FBLN5: variants seen among roughly 807,000 people sequenced by gnomAD.
FBLN5 encodes the protein fibulin-5.
A neutral mutation model predicts 61.6 loss-of-function variants in FBLN5; 24 were observed. The observed-to-expected ratio is 0.39, with a 90% CI of 0.28 to 0.55. The LOEUF is 0.55. FBLN5 is among the 20% of genes least tolerant of loss of function. The pLI is 0.65. For missense variants in FBLN5, 470 were observed against 594.1 expected, an observed-to-expected ratio of 0.79 and a Z score of 2.17; for synonymous variants, 213 against 219.8, an observed-to-expected ratio of 0.97 and a Z score of 0.27.
At chr14:91,919,390 A>AAAGAAAGGAAGGAAGG (rs1284751505) in intron 4 of FBLN5, among the ~76,000 whole-genome samples, 23 of 99,508 alleles carry the variant, frequency 2.3e-4, no homozygotes, top group African/African-American at 7.9e-4. Context: ...AGAAAGAAAG[A>AAAGAAAGGAAGGAAGG]AAGGAAGGAA....
At chr14:91,907,388 C>G (rs573249725) in intron 4 of FBLN5, among the ~76,000 whole-genome samples, 2 of 152,300 alleles carry the variant, frequency 1.3e-5, no homozygotes, top group South Asian at 2.1e-4. Flanking sequence ...AAATAAAATT[C>G]TCTCCTATCT....
At chr14:91,880,527 G>A (rs796655257) in intron 9 of FBLN5, among the ~76,000 whole-genome samples, 2 of 3,912 alleles carry the variant, frequency 5.1e-4, no homozygotes, top group East Asian at 0.024. Context: ...GTGTGCGTGC[G>A]TGTGTGTGTG....
At chr14:91,932,041 TG>T (rs2140040163) in intron 4 of FBLN5, among the ~76,000 whole-genome samples, 1 of 152,338 alleles carries the variant, frequency 6.6e-6, no homozygotes. Context: ...TGTGAGCTGT[TG>T]GGTGAGGCTC....
chr14:91,940,089 C>A, intron 3 of FBLN5: 1 of 394,530 alleles, frequency 2.5e-6, no homozygotes, highest in South Asian at 1.9e-5. Flanking sequence ...TGACAGTCAG[C>A]AAGGAAACAG....
chr14:91,930,213 A>G (rs1401996129), intron 4 of FBLN5, among the ~76,000 whole-genome samples: 1 of 152,178 alleles, frequency 6.6e-6, no homozygotes, highest in Non-Finnish European at 1.5e-5. Flanking sequence ...ATGTTAGACA[A>G]TTTGCATGCA....
chr14:91,939,993 C>T (rs531135310), intron 3 of FBLN5: 77 of 453,590 alleles, frequency 1.7e-4, no homozygotes, highest in Non-Finnish European at 3.2e-4. Flanking sequence ...AAACGCTTGA[C>T]TCGCTGTGTT....
intron 6 of FBLN5, among the ~76,000 whole-genome samples, chr14:91,889,682 G>A (rs72705341): frequency 0.013 from 2,014 of 152,316 alleles, 18 homozygotes; most frequent in Non-Finnish European, 0.019. Flanking sequence ...TTCCACACAC[G>A]AAGAGTCAGG....
chr14:91,877,770 A>G, intron 9 of FBLN5, 88 bp from the exon 10 acceptor site: 3 of 1,020,462 alleles, frequency 2.9e-6, no homozygotes, highest in Non-Finnish European at 4.6e-6. Context: ...ACTGAAAATG[A>G]GGCCACCCCA....
At chr14:91,927,991 G>A (rs1388450942) in intron 4 of FBLN5, among the ~76,000 whole-genome samples, 1 of 152,244 alleles carries the variant, frequency 6.6e-6, no homozygotes, top group Non-Finnish European at 1.5e-5. Flanking sequence ...GGCACCAAGG[G>A]CTGGGCATGG....
chr14:91,881,787 ATTTTT>A (rs912165357), intron 8 of FBLN5, among the ~76,000 whole-genome samples: 9 of 151,196 alleles, frequency 6.0e-5, no homozygotes, highest in Non-Finnish European at 1.5e-5. Context: ...TATATATATA[ATTTTT>A]TTTAATTTAA....
At chr14:91,918,311 T>C (rs1432990487) in intron 4 of FBLN5, among the ~76,000 whole-genome samples, 2 of 152,212 alleles carry the variant, frequency 1.3e-5, no homozygotes, top group Non-Finnish European at 2.9e-5. Flanking sequence ...GCTCTGGATT[T>C]GTGGGAAGGA....
intron 4 of FBLN5, among the ~76,000 whole-genome samples, chr14:91,927,021 T>C (rs1377342084): frequency 6.6e-6 from 1 of 152,186 alleles, no homozygotes; most frequent in Non-Finnish European, 1.5e-5. Flanking sequence ...TGCATCACAC[T>C]CTCTACCACT....
At chr14:91,904,726 C>A (rs1224246444) in intron 4 of FBLN5, among the ~76,000 whole-genome samples, 2 of 152,196 alleles carry the variant, frequency 1.3e-5, no homozygotes, top group Non-Finnish European at 1.5e-5. Flanking sequence ...GGGCTCCACC[C>A]CTGTGACCTC....
chr14:91,897,438 A>G (rs1349175576), intron 4 of FBLN5, among the ~76,000 whole-genome samples: 1 of 152,252 alleles, frequency 6.6e-6, no homozygotes, highest in Middle Eastern at 3.2e-3. Flanking sequence ...GCTGGGAACA[A>G]CACTGCCTTA....
intron 4 of FBLN5, among the ~76,000 whole-genome samples, chr14:91,912,313 A>G (rs1047603761): frequency 8.5e-5 from 13 of 152,200 alleles, no homozygotes; most frequent in African/African-American, 3.1e-4. Flanking sequence ...CCTGAGCAAC[A>G]TAGCGAGACC....
chr14:91,904,558 T>C (rs901002105), intron 4 of FBLN5, among the ~76,000 whole-genome samples: 6 of 152,260 alleles, frequency 3.9e-5, no homozygotes, highest in Non-Finnish European at 7.3e-5. Context: ...CTATAGACTA[T>C]GTGGCTTAAA....
chr14:91,877,393 C>T, intron 10 of FBLN5, 94 bp downstream of exon 10: 2 of 1,036,130 alleles, frequency 1.9e-6, no homozygotes, highest in Non-Finnish European at 3.0e-6. Flanking sequence ...GTCCCCCAGC[C>T]CCACTCTTAC....
chr14:91,918,244 G>C (rs1891276812), intron 4 of FBLN5, among the ~76,000 whole-genome samples: 1 of 152,202 alleles, frequency 6.6e-6, no homozygotes, highest in South Asian at 2.1e-4. Context: ...AAGCTTTTCA[G>C]AATCAGCCTG....
intron 4 of FBLN5, among the ~76,000 whole-genome samples, chr14:91,929,080 AACACAC>A (rs113397883): frequency 0.027 from 3,806 of 143,246 alleles, 79 homozygotes; most frequent in African/African-American, 0.067. Flanking sequence ...CCTGTCTCAA[AACACAC>A]ACACACACAC....
Sources: gnomAD v4.1 joint callset for allele counts (sites outside exome capture counted in the v4.1 genomes callset) on GRCh38, gnomAD v4.1.1 for gene constraint, MANE v1.5 for transcripts, NCBI Gene and HGNC (gene_info 2026-07-23, HGNC 2026-07-21) for gene names.